ADD1: variants seen among roughly 807,000 people sequenced by gnomAD.
The protein encoded by ADD1 is alpha-adducin.
A neutral mutation model predicts 80.5 loss-of-function variants in ADD1; 24 were observed. That is an observed-to-expected ratio of 0.30 (90% CI 0.22 to 0.42). The LOEUF is 0.42. ADD1 is among the 10% of genes least tolerant of loss of function. The pLI is 1.00. For missense variants in ADD1, 948 were observed against 1,019.0 expected (o/e 0.93, Z 0.95); for synonymous variants, 373 against 393.8 (o/e 0.95, Z 0.63).
chr4:2,926,715 C>A lies in ADD1; in HGVS notation c.2047+603C>A, dbSNP rs375773729. The A allele has an allele frequency of 3.8e-6, 6 of 1,599,496 alleles. No homozygotes were observed. The highest frequency in any genetic ancestry group is 5.1e-6 in the Non-Finnish European group (6 of 1,168,394). On this transcript the variant is annotated intron_variant, in intron 15 of 15. Transcript: ENST00000683351. The surrounding 1 kb of genome is among the most constrained non-coding windows in gnomAD (Gnocchi z 5.0). ...GCCTCCGCTCTCCACCGGTGCCCTG[C>A]GCTTTGCCTCATTCTCCTGCTTCTT...
chr4:2,862,620 T>A (rs1389056853), intron 1 of ADD1, among the ~76,000 whole-genome samples: 3 of 152,186 alleles, frequency 2.0e-5, no homozygotes, highest in African/African-American at 4.8e-5. Context: ...CTGTGAGTCC[T>A]TCCTTAGCTG....
intron 1 of ADD1, among the ~76,000 whole-genome samples, chr4:2,871,939 A>G (rs1341322825): frequency 6.6e-6 from 1 of 152,216 alleles, no homozygotes; most frequent in Non-Finnish European, 1.5e-5. Flanking sequence ...ACTAAGGTCC[A>G]CATATTAGTT....
At chr4:2,872,457 A>G (rs143296486) in intron 1 of ADD1, among the ~76,000 whole-genome samples, 1 of 152,378 alleles carries the variant, frequency 6.6e-6, no homozygotes, top group Non-Finnish European at 1.5e-5. Flanking sequence ...AGAATAAGAA[A>G]TATAGTTTGC....
intron 1 of ADD1, among the ~76,000 whole-genome samples, chr4:2,867,481 C>G (rs1202607416): frequency 6.6e-6 from 1 of 152,192 alleles, no homozygotes; most frequent in African/African-American, 2.4e-5. Context: ...GTCTCCAAAC[C>G]ATAGTCTTAA....
At chr4:2,897,831 C>G (rs1577622521) in intron 6 of ADD1, among the ~76,000 whole-genome samples, 2 of 152,096 alleles carry the variant, frequency 1.3e-5, no homozygotes, top group East Asian at 3.8e-4. Context: ...GGGAAGCCTT[C>G]TTTTGAAATG....
At chr4:2,905,498 G>A (rs1736898961) in intron 10 of ADD1, 1 of 194,996 alleles carries the variant, frequency 5.1e-6, no homozygotes, top group African/African-American at 2.3e-5. Flanking sequence ...GTGAACTCCA[G>A]TGGTTTCAAG....
intron 1 of ADD1, chr4:2,854,817 G>C (rs534710159): frequency 6.6e-6 from 1 of 152,114 alleles, no homozygotes; most frequent in Admixed American, 6.6e-5. Context: ...TACCACATAC[G>C]TGGTGCTTTA....
Position 2,914,968 on chromosome 4 carries a change from T to C in ADD1, c.1876T>C (p.Phe626Leu). The part of the protein sequence containing the change: ...VIVSTTGPNP[F>L]TTLTDRELEE... The stretch of plus-strand genomic sequence containing the variant: ...TGTGAGCACCACGGGCCCCAACCCC[T>C]TCACCACACTCACAGACCGTGAGCT... The change falls in exon 14 of 16, where the codon TTC becomes CTC. Residue 626 changes from phenylalanine (F) to leucine (L), a missense_variant. Transcript: ENST00000683351. 6.2e-7 allele frequency: 1 copy of C among 1,614,078 alleles called. No homozygotes were observed. Among genetic ancestry groups the C allele is most frequent in the Non-Finnish European group, 8.5e-7 (1 of 1,179,976 alleles).
intron 13 of ADD1, 22 bp downstream of exon 13, chr4:2,909,453 C>T: frequency 3.9e-6 from 6 of 1,528,896 alleles, no homozygotes; most frequent in Non-Finnish European, 5.3e-6. Flanking sequence ...CCTGTCCTCA[C>T]TACCTGTCTA....
At chr4:2,899,503 A>G (rs1425390848) in intron 9 of ADD1, 68 bp downstream of exon 9, 1 of 1,569,544 alleles carries the variant, frequency 6.4e-7, no homozygotes, top group East Asian at 2.2e-5. Flanking sequence ...GTGTTCTTAC[A>G]GCAAGTGCGA....
At chr4:2,916,194 ATTATTATTATTATT>A (rs1029395629) in intron 14 of ADD1, among the ~76,000 whole-genome samples, 1 of 114,468 alleles carries the variant, frequency 8.7e-6, no homozygotes, top group Non-Finnish European at 2.1e-5. Context: ...TATTATTATT[ATTATTATTATTATT>A]ATTTTTGAGA....
intron 6 of ADD1, 90 bp downstream of exon 6, chr4:2,894,821 A>G: frequency 7.3e-7 from 1 of 1,368,406 alleles, no homozygotes; most frequent in Non-Finnish European, 9.8e-7. Context: ...TGTTGTTTAT[A>G]GTCAGTAAAA....
In ADD1 at chr4:2,920,322, G is replaced by A. The variant is rs1315060634; in HGVS notation, c.1948+5282G>A. Among the ~76,000 whole-genome samples, 3 of 152,212 alleles carry A rather than the reference G, an allele frequency of 2.0e-5. No homozygotes were observed. In the East Asian group the frequency reaches 5.8e-4, roughly 29 times the overall value. ...AATGTATATTCTGTTGATTTGGGGT[G>A]GAGAGTTCTGTAGATGTCTGTTAGG... is the stretch of plus-strand genomic sequence containing the variant. On this transcript the variant is annotated intron_variant, in intron 14 of 15. Coordinates refer to ENST00000683351, the MANE Select transcript of ADD1 (RefSeq NM_001354761.2).
chr4:2,855,875 T>C (rs1237270147), intron 1 of ADD1, among the ~76,000 whole-genome samples: 1 of 151,808 alleles, frequency 6.6e-6, no homozygotes, highest in Non-Finnish European at 1.5e-5. Context: ...ATTTTTTGTA[T>C]TTTTTTGTTG....
intron 1 of ADD1, among the ~76,000 whole-genome samples, chr4:2,865,863 A>G (rs182249595): frequency 1.3e-5 from 2 of 152,366 alleles, no homozygotes; most frequent in East Asian, 1.9e-4. Flanking sequence ...TAACAGTATA[A>G]TGAGGGAGCA....
intron 13 of ADD1, among the ~76,000 whole-genome samples, chr4:2,914,094 A>G (rs368116752): frequency 1.0e-3 from 150 of 149,720 alleles, no homozygotes; most frequent in Admixed American, 3.1e-3. Context: ...CCAGGGAATT[A>G]GGGGACATTT....
At chr4:2,852,138 T>TTTTCTTTCTTTCTTTCTTTCTTTC (rs754218185) in intron 1 of ADD1, among the ~76,000 whole-genome samples, 14 of 97,662 alleles carry the variant, frequency 1.4e-4, no homozygotes, top group African/African-American at 4.2e-4. Context: ...ACCCGGCCTC[T>TTTTCTTTCTTTCTTTCTTTCTTTC]TTTCTTTCTT....
Position 2,928,512 on chromosome 4 carries a change from A to G in ADD1, c.2389A>G (p.Ser797Gly). The part of the protein sequence containing the change: ...PSFLKKSKKK[S>G]DS Reference sequence around the variant, plus strand: ...CTTTCTGAAGAAGAGCAAGAAGAAGAGTGACTCCTGAAAGCCCTGCGCTAA... The same window carrying G: ...CTTTCTGAAGAAGAGCAAGAAGAAGGGTGACTCCTGAAAGCCCTGCGCTAA... The change falls in exon 16 of 16, where the codon AGT (serine) becomes GGT (glycine). Residue 797 changes from serine (S) to glycine (G), a missense_variant. Ser to Gly is a moderately conservative substitution (Grantham distance 56). Coordinates refer to ENST00000683351, the MANE Select transcript of ADD1 (RefSeq NM_001354761.2). The G allele has an allele frequency of 6.2e-7, 1 of 1,613,002 alleles. No homozygotes were observed. Among genetic ancestry groups the G allele is most frequent in the East Asian group, 2.2e-5 (1 of 44,872 alleles).
At chr4:2,886,151 T>G (rs956283590) in intron 4 of ADD1, among the ~76,000 whole-genome samples, 1 of 152,258 alleles carries the variant, frequency 6.6e-6, no homozygotes, top group African/African-American at 2.4e-5. Flanking sequence ...CCACCAATAC[T>G]TCCATCTCTC....
Sources: gnomAD v4.1 joint callset for allele counts (sites outside exome capture counted in the v4.1 genomes callset) on GRCh38, gnomAD v4.1.1 for gene constraint, Gnocchi (gnomAD v3.1) non-coding constraint, MANE v1.5 for transcripts, NCBI Gene and HGNC (gene_info 2026-07-23, HGNC 2026-07-21) for gene names.